Variants in RABGAP1L observed in about 807,000 individuals in gnomAD.
RABGAP1L encodes the protein RAB GTPase activating protein 1 like.
A neutral mutation model predicts 137.7 loss-of-function variants in RABGAP1L; 63 were observed. The observed-to-expected ratio is 0.46, with a 90% CI of 0.37 to 0.56. The LOEUF (loss-of-function observed/expected upper bound fraction) is 0.56, where lower values mean the gene tolerates loss of function less well. RABGAP1L is among the 20% of genes least tolerant of loss of function. The probability of loss-of-function intolerance (pLI) is 0.00; values close to 1 mark genes in which losing one functional copy is unlikely to be tolerated. For synonymous variants in RABGAP1L, 431 were observed against 433.7 expected (o/e 0.99, Z 0.08); for missense variants, 1,095 against 1,244.0 (o/e 0.88, Z 1.80).
chr1:174,219,762 T>A (rs1669611597), intron 2 of RABGAP1L, among the ~76,000 whole-genome samples: 1 of 152,202 alleles, frequency 6.6e-6, no homozygotes. Context: ...TTTTTAGCAT[T>A]TGAGTTTTTA....
chr1:174,423,578 A>G (rs1651607618), intron 13 of RABGAP1L, among the ~76,000 whole-genome samples: 1 of 152,302 alleles, frequency 6.6e-6, no homozygotes, highest in African/African-American at 2.4e-5. Context: ...CTTCTGGGCC[A>G]AAAGGGCTAT....
At chr1:174,782,771 C>G (rs997403739) in intron 18 of RABGAP1L, among the ~76,000 whole-genome samples, 2 of 152,150 alleles carry the variant, frequency 1.3e-5, no homozygotes, top group African/African-American at 4.8e-5. Context: ...CACCTTTAAA[C>G]ACGGGGCTTG....
intron 1 of RABGAP1L, among the ~76,000 whole-genome samples, chr1:174,176,713 G>GGAAAAAACAAAAAA (rs1232596038): frequency 4.6e-5 from 1 of 21,548 alleles, no homozygotes; most frequent in African/African-American, 1.4e-4. Context: ...CCCTTTTTCA[G>GGAAAAAACAAAAAA]AAAAAAAAAA....
intron 13 of RABGAP1L, chr1:174,548,606 G>T: frequency 1.1e-6 from 1 of 951,620 alleles, no homozygotes; most frequent in Non-Finnish European, 1.3e-6. Context: ...GAAATTTGCA[G>T]AGGGCTTCTG....
intron 19 of RABGAP1L, among the ~76,000 whole-genome samples, chr1:174,884,233 G>A (rs1369476046): frequency 1.3e-5 from 2 of 152,190 alleles, no homozygotes; most frequent in Non-Finnish European, 2.9e-5. Context: ...CTCTTTCTTG[G>A]AGCTACAGTT....
intron 15 of RABGAP1L, among the ~76,000 whole-genome samples, chr1:174,697,610 C>T (rs1358144165): frequency 2.0e-5 from 3 of 152,162 alleles, no homozygotes; most frequent in South Asian, 2.1e-4. Flanking sequence ...TGAGCCACCG[C>T]GCCCGGCCTG....
intron 11 of RABGAP1L, among the ~76,000 whole-genome samples, chr1:174,349,045 G>GGGGC (rs1553278346): frequency 4.1e-5 from 1 of 24,690 alleles, no homozygotes; most frequent in East Asian, 1.2e-3. Context: ...CTGGCCGGGC[G>GGGGC]GGGGGGGGGC....
At position 174,958,075 on chromosome 1, in the gene RABGAP1L, T is replaced by G. The variant is rs115619969; in HGVS notation, c.2433+526T>G. On this transcript the variant is annotated intron_variant, in intron 20 of 25. Coordinates refer to ENST00000681986, the MANE Select transcript of RABGAP1L (RefSeq NM_001366446.1). ...CCACAAAGACTTTTAGCAGGTGAAC[T>G]GTTCCAAGACTGACACAAGGATGTT... 2,793 of 1,521,192 alleles carry G rather than the reference T, an allele frequency of 1.8e-3. 20 individuals carry two copies. The African/African-American group carries it at 0.018, about 10-fold the overall frequency. 94.2% of individuals were successfully genotyped at this position (1,521,192 alleles called of 1,614,324 possible). A position where few individuals can be genotyped will look rare whatever the true frequency, so the allele number is the denominator to read the frequency against.
chr1:174,782,210 C>G (rs1416923472), intron 18 of RABGAP1L, among the ~76,000 whole-genome samples: 1 of 152,120 alleles, frequency 6.6e-6, no homozygotes, highest in Non-Finnish European at 1.5e-5. Flanking sequence ...ATGGAATGTT[C>G]CTCCATTCGT....
chr1:174,816,324 C>T (rs1237662292), intron 19 of RABGAP1L, among the ~76,000 whole-genome samples: 1 of 151,628 alleles, frequency 6.6e-6, no homozygotes. Context: ...AGATAATGTT[C>T]TATTTTTAGT....
intron 11 of RABGAP1L, among the ~76,000 whole-genome samples, chr1:174,364,721 T>C (rs1293091896): frequency 1.3e-5 from 2 of 152,182 alleles, no homozygotes; most frequent in African/African-American, 4.8e-5. Flanking sequence ...TCCAATTTTA[T>C]TTATTTTGGA....
intron 12 of RABGAP1L, among the ~76,000 whole-genome samples, chr1:174,388,590 A>G (rs1485084199): frequency 6.6e-6 from 1 of 152,062 alleles, no homozygotes; most frequent in African/African-American, 2.4e-5. Flanking sequence ...TATATTCAGA[A>G]TGGTAATGCT....
intron 1 of RABGAP1L, among the ~76,000 whole-genome samples, chr1:174,204,898 G>A (rs1188942580): frequency 6.6e-6 from 1 of 152,156 alleles, no homozygotes; most frequent in African/African-American, 2.4e-5. Context: ...TGCTATGATT[G>A]TTAAGTTTTC....
At chr1:174,239,705 C>G (rs1023565923) in intron 4 of RABGAP1L, among the ~76,000 whole-genome samples, 1 of 152,060 alleles carries the variant, frequency 6.6e-6, no homozygotes, top group Non-Finnish European at 1.5e-5. Flanking sequence ...GCTTCAGTGG[C>G]TAGGGAAGTA....
At chr1:174,290,764 GTT>G (rs202217989) in intron 10 of RABGAP1L, among the ~76,000 whole-genome samples, 7 of 140,596 alleles carry the variant, frequency 5.0e-5, no homozygotes, top group African/African-American at 1.3e-4. Context: ...CTTTTTCTTG[GTT>G]TTTTTTTTTT....
At chr1:174,587,893 T>C (rs1669243137) in intron 13 of RABGAP1L, among the ~76,000 whole-genome samples, 1 of 152,204 alleles carries the variant, frequency 6.6e-6, no homozygotes, top group South Asian at 2.1e-4. Flanking sequence ...AAACAGAGTG[T>C]CACTTTGTCA....
chr1:174,892,896 ATTTTTT>A (rs748971722), intron 19 of RABGAP1L, among the ~76,000 whole-genome samples: 4 of 91,868 alleles, frequency 4.4e-5, no homozygotes, highest in East Asian at 3.0e-4. Context: ...CACCCAGCTA[ATTTTTT>A]TTTTTTTTTT....
intron 18 of RABGAP1L, among the ~76,000 whole-genome samples, chr1:174,779,592 A>G (rs1374543705): frequency 1.3e-5 from 2 of 152,176 alleles, no homozygotes; most frequent in Non-Finnish European, 2.9e-5. Flanking sequence ...TAAGCAAACT[A>G]CACCCCATCT....
intron 18 of RABGAP1L, among the ~76,000 whole-genome samples, chr1:174,797,341 T>C (rs375103667): frequency 7.2e-5 from 11 of 152,254 alleles, no homozygotes; most frequent in African/African-American, 2.6e-4. Context: ...TGTTCTTAAA[T>C]GTGAAATGTC....
Sources: gnomAD v4.1 joint callset for allele counts (sites outside exome capture counted in the v4.1 genomes callset) on GRCh38, gnomAD v4.1.1 for gene constraint, MANE v1.5 for transcripts, NCBI Gene and HGNC (gene_info 2026-07-23, HGNC 2026-07-21) for gene names.